TENM4: variants seen among roughly 807,000 people sequenced by gnomAD.
TENM4 encodes teneurin-4.
In TENM4, 82 loss-of-function variants were observed where a neutral mutation model predicts 243.3. That is an observed-to-expected ratio of 0.34 (90% CI 0.28 to 0.40). TENM4 has a LOEUF of 0.40. Among genes scored for constraint, TENM4 ranks in the 10% least tolerant of loss-of-function variants. The pLI is 1.00. For missense variants in TENM4, 3,138 were observed against 3,673.3 expected (o/e 0.85, Z 3.77); for synonymous variants, 1,412 against 1,456.3 (o/e 0.97, Z 0.69).
intron 12 of TENM4, among the ~76,000 whole-genome samples, chr11:78,836,123 C>T (rs1038307056): frequency 1.3e-5 from 2 of 152,014 alleles, no homozygotes; most frequent in African/African-American, 4.8e-5. Flanking sequence ...TTTGGGAGGC[C>T]GAGGTGGATG....
chr11:78,683,820 G>C (rs1858586025), intron 29 of TENM4, among the ~76,000 whole-genome samples: 1 of 152,190 alleles, frequency 6.6e-6, no homozygotes, highest in Admixed American at 6.5e-5. Context: ...TTAACTAAAT[G>C]AAACTTACGG....
intron 2 of TENM4, among the ~76,000 whole-genome samples, chr11:79,271,620 A>G (rs1855970366): frequency 6.6e-6 from 1 of 152,176 alleles, no homozygotes; most frequent in Non-Finnish European, 1.5e-5. Flanking sequence ...CCAGCTGTTT[A>G]ATGGCGGGGC....
At chr11:79,123,324 A>C (rs1041175000) in intron 4 of TENM4, among the ~76,000 whole-genome samples, 1 of 152,300 alleles carries the variant, frequency 6.6e-6, no homozygotes, top group East Asian at 1.9e-4. Context: ...TGAGATATTG[A>C]AAAGTTACGA....
intron 1 of TENM4, among the ~76,000 whole-genome samples, chr11:79,302,776 T>A (rs188764122): frequency 1.4e-3 from 208 of 152,310 alleles, no homozygotes; most frequent in African/African-American, 4.8e-3. Flanking sequence ...GTCTCCAGGA[T>A]GTAAGTCAGA....
intron 4 of TENM4, among the ~76,000 whole-genome samples, chr11:79,122,225 C>G (rs537251804): frequency 6.6e-6 from 1 of 151,976 alleles, no homozygotes; most frequent in African/African-American, 2.4e-5. Context: ...AAAAATAATG[C>G]AAGGAAATAA....
At chr11:79,097,039 A>G (rs1591280367) in intron 4 of TENM4, 1 of 152,192 alleles carries the variant, frequency 6.6e-6, no homozygotes, top group African/African-American at 2.4e-5. Flanking sequence ...GCTAAGTAAT[A>G]AAAGTAGCTA....
At chr11:78,955,506 C>G (rs1004904212) in intron 6 of TENM4, among the ~76,000 whole-genome samples, 1 of 152,210 alleles carries the variant, frequency 6.6e-6, no homozygotes, top group African/African-American at 2.4e-5. Context: ...AGCCTGGACA[C>G]ATAGCTAATG....
At chr11:79,136,963 C>T (rs1472696871) in intron 4 of TENM4, among the ~76,000 whole-genome samples, 2 of 152,064 alleles carry the variant, frequency 1.3e-5, no homozygotes, top group Non-Finnish European at 2.9e-5. Flanking sequence ...TGCAGAAGGC[C>T]GTGTATGCTC....
At chr11:79,363,028 G>T (rs1857617526) in intron 1 of TENM4, among the ~76,000 whole-genome samples, 1 of 152,204 alleles carries the variant, frequency 6.6e-6, no homozygotes. Flanking sequence ...CAGATCATTG[G>T]ACACTGACTC....
intron 2 of TENM4, among the ~76,000 whole-genome samples, chr11:79,216,754 T>C (rs954378935): frequency 6.6e-6 from 1 of 152,234 alleles, no homozygotes; most frequent in Non-Finnish European, 1.5e-5. Context: ...GCCAGCACCA[T>C]GCTCTTGGAT....
intron 4 of TENM4, among the ~76,000 whole-genome samples, chr11:79,079,987 C>T (rs1054788535): frequency 1.4e-4 from 3 of 21,168 alleles, no homozygotes; most frequent in Non-Finnish European, 5.1e-4. Flanking sequence ...TTTACTACCT[C>T]AGGGGGCTGA....
intron 9 of TENM4, among the ~76,000 whole-genome samples, chr11:78,865,714 A>T (rs1255025835): frequency 6.6e-6 from 1 of 152,196 alleles, no homozygotes; most frequent in Non-Finnish European, 1.5e-5. Context: ...AGTCTGCTTC[A>T]GCCAGGAGGC....
At chr11:79,381,094 C>G (rs971161490) in intron 1 of TENM4, among the ~76,000 whole-genome samples, 9 of 152,244 alleles carry the variant, frequency 5.9e-5, no homozygotes, top group Admixed American at 3.3e-4. Flanking sequence ...AGCCCTGACT[C>G]TTGAGTGCAT....
chr11:79,296,323 GC>G (rs35362121), intron 2 of TENM4, among the ~76,000 whole-genome samples: 159 of 152,206 alleles, frequency 1.0e-3, no homozygotes, highest in Non-Finnish European at 1.9e-3. Flanking sequence ...CAAGAAGGGG[GC>G]CGGGGGGCTG....
Position 79,099,439 on chromosome 11 carries a change from G to C in TENM4, c.-65-29430C>G, listed in dbSNP as rs560188586. 2.0e-5 allele frequency among the ~76,000 whole-genome samples: 3 copies of C among 152,216 alleles called. No individual in the cohort carries two copies. The East Asian group carries it at 5.8e-4, about 29-fold the overall frequency. On this transcript the variant is annotated intron_variant, in intron 4 of 33. Coordinates refer to ENST00000278550, the MANE Select transcript of TENM4 (RefSeq NM_001098816.3). Reference sequence around the variant, plus strand: ...GTGTCCTCTTTGCCTCTGTGGTCCTGAACTAGTCATTTCCCCTCCCAAAGC... The same window carrying C: ...GTGTCCTCTTTGCCTCTGTGGTCCTCAACTAGTCATTTCCCCTCCCAAAGC...
At chr11:78,752,877 A>G (rs1030045797) in intron 19 of TENM4, among the ~76,000 whole-genome samples, 13 of 152,166 alleles carry the variant, frequency 8.5e-5, no homozygotes, top group Admixed American at 1.3e-4. Context: ...CCATTAAGGA[A>G]GTGGATTTGG....
chr11:78,744,669 G>C (rs1223715778), intron 19 of TENM4, among the ~76,000 whole-genome samples: 1 of 152,156 alleles, frequency 6.6e-6, no homozygotes, highest in Non-Finnish European at 1.5e-5. Flanking sequence ...TTGATTGCAC[G>C]CCCTTTCTGT....
intron 2 of TENM4, among the ~76,000 whole-genome samples, 191 bp from the exon 3 acceptor site, chr11:79,216,100 C>T (rs1864046922): frequency 6.6e-6 from 1 of 152,200 alleles, no homozygotes; most frequent in Non-Finnish European, 1.5e-5. Flanking sequence ...CAGATGGTTC[C>T]TCTATGCAGC....
chr11:78,766,751 G>A (rs1856547364), intron 18 of TENM4, among the ~76,000 whole-genome samples: 2 of 145,896 alleles, frequency 1.4e-5, no homozygotes, highest in Non-Finnish European at 3.0e-5. Flanking sequence ...TGCCCTGGCT[G>A]GAGCGCAGAG....
Sources: allele counts gnomAD v4.1 joint callset (sites outside exome capture counted in the v4.1 genomes callset), GRCh38; gene constraint gnomAD v4.1.1; transcripts MANE v1.5; gene names NCBI Gene and HGNC (gene_info 2026-07-23, HGNC 2026-07-21).